PDSS2: variants seen among roughly 807,000 people sequenced by gnomAD.
PDSS2 encodes all trans-polyprenyl-diphosphate synthase PDSS2.
Under a neutral mutation model 44.5 loss-of-function variants are expected in PDSS2, and 31 were observed. That is an observed-to-expected ratio of 0.70 (90% confidence interval 0.52 to 0.94). The LOEUF is 0.94. Among genes scored for constraint, PDSS2 ranks in the 40% least tolerant of loss-of-function variants. PDSS2 has a pLI of 0.00. For synonymous variants in PDSS2, 157 were observed against 180.3 expected (o/e 0.87, Z 1.03); for missense variants, 452 against 482.2 (o/e 0.94, Z 0.59).
intron 7 of PDSS2, among the ~76,000 whole-genome samples, chr6:107,185,123 T>TAAAAAA (rs11317647): frequency 7.6e-4 from 67 of 88,642 alleles, no homozygotes; most frequent in East Asian, 1.3e-3. Flanking sequence ...ACCTTATATC[T>TAAAAAA]AAAAAAAAAA....
intron 2 of PDSS2, among the ~76,000 whole-genome samples, chr6:107,326,557 A>G (rs1374664334): frequency 2.0e-5 from 3 of 152,020 alleles, no homozygotes; most frequent in Admixed American, 1.3e-4. Context: ...TAATAAGATA[A>G]AAATAGTTGT....
At chr6:107,238,177 A>G (rs1393357067) in intron 4 of PDSS2, among the ~76,000 whole-genome samples, 1 of 152,160 alleles carries the variant, frequency 6.6e-6, no homozygotes, top group Non-Finnish European at 1.5e-5. Context: ...GACAGGAAAG[A>G]GGTGTCTTGT....
chr6:107,220,910 T>G (rs192579591), intron 4 of PDSS2, among the ~76,000 whole-genome samples: 1 of 152,246 alleles, frequency 6.6e-6, no homozygotes, highest in Non-Finnish European at 1.5e-5. Context: ...GCATGCTCTA[T>G]TATAAAGGAA....
At chr6:107,445,208 C>T (rs1335973627) in intron 1 of PDSS2, among the ~76,000 whole-genome samples, 1 of 151,116 alleles carries the variant, frequency 6.6e-6, no homozygotes, top group African/African-American at 2.4e-5. Flanking sequence ...ATATATTGCA[C>T]AAGTGGATAA....
intron 4 of PDSS2, among the ~76,000 whole-genome samples, chr6:107,219,761 GGT>G (rs1773537843): frequency 6.6e-6 from 1 of 152,136 alleles, no homozygotes; most frequent in African/African-American, 2.4e-5. Flanking sequence ...GGTTAGACCT[GGT>G]ACTAGTCACT....
At chr6:107,215,156 T>C (rs1472228330) in intron 4 of PDSS2, among the ~76,000 whole-genome samples, 1 of 152,160 alleles carries the variant, frequency 6.6e-6, no homozygotes, top group Non-Finnish European at 1.5e-5. Context: ...AGAAAAACCA[T>C]ATTATCTCTC....
At chr6:107,199,991 T>C (rs1312187251) in intron 6 of PDSS2, among the ~76,000 whole-genome samples, 2 of 152,140 alleles carry the variant, frequency 1.3e-5, no homozygotes, top group Non-Finnish European at 1.5e-5. Flanking sequence ...GAAAACAAAT[T>C]CAATGATTTC....
At chr6:107,430,193 T>A in intron 1 of PDSS2, among the ~76,000 whole-genome samples, 1 of 151,950 alleles carries the variant, frequency 6.6e-6, no homozygotes. Flanking sequence ...TTAAACCACT[T>A]TAACTTCAAA....
intron 2 of PDSS2, among the ~76,000 whole-genome samples, chr6:107,288,845 C>T (rs986044051): frequency 2.7e-5 from 4 of 148,752 alleles, no homozygotes; most frequent in Non-Finnish European, 4.5e-5. Context: ...CTGCAACCTC[C>T]GCCTACCGGA....
intron 2 of PDSS2, among the ~76,000 whole-genome samples, chr6:107,333,473 A>G (rs1162850291): frequency 6.6e-6 from 1 of 152,202 alleles, no homozygotes; most frequent in Non-Finnish European, 1.5e-5. Flanking sequence ...ATAACCAGTA[A>G]AAAAGTAGAC....
chr6:107,260,902 T>TCCTC (rs1196512221), intron 3 of PDSS2, among the ~76,000 whole-genome samples: 1 of 152,132 alleles, frequency 6.6e-6, no homozygotes. Context: ...GACCTTGTGA[T>TCCTC]CTGCCCACCT....
chr6:107,181,995 T>A (rs1029659260), intron 7 of PDSS2, among the ~76,000 whole-genome samples: 1 of 152,084 alleles, frequency 6.6e-6, no homozygotes, highest in African/African-American at 2.4e-5. Flanking sequence ...TTATTCATGA[T>A]CCACAAAGGA....
At chr6:107,265,859 G>A (rs1321077128) in intron 3 of PDSS2, among the ~76,000 whole-genome samples, 1 of 152,222 alleles carries the variant, frequency 6.6e-6, no homozygotes, top group Admixed American at 6.5e-5. Context: ...AGAATCACTT[G>A]AACCCGAGAG....
intron 7 of PDSS2, among the ~76,000 whole-genome samples, chr6:107,172,425 T>C (rs1771613062): frequency 6.6e-6 from 1 of 152,102 alleles, no homozygotes. Flanking sequence ...GAATGGTGGC[T>C]CACACCTGTA....
intron 2 of PDSS2, among the ~76,000 whole-genome samples, chr6:107,294,685 AG>A (rs1175757100): frequency 2.0e-5 from 3 of 152,180 alleles, no homozygotes; most frequent in Non-Finnish European, 4.4e-5. Flanking sequence ...ATCTTCACCA[AG>A]TATAGTTATT....
intron 6 of PDSS2, among the ~76,000 whole-genome samples, chr6:107,200,759 C>T (rs1238268993): frequency 6.6e-6 from 1 of 152,006 alleles, no homozygotes; most frequent in Non-Finnish European, 1.5e-5. Flanking sequence ...CTCCACCTCT[C>T]AGGTTCAGGC....
chr6:107,344,538 C>A (rs902096347), intron 1 of PDSS2, among the ~76,000 whole-genome samples: 1 of 152,074 alleles, frequency 6.6e-6, no homozygotes, highest in African/African-American at 2.4e-5. Context: ...TGCATTAAAT[C>A]CTCGAGGGAC....
intron 7 of PDSS2, among the ~76,000 whole-genome samples, chr6:107,155,208 C>T (rs1312526271): frequency 2.2e-4 from 32 of 148,376 alleles, no homozygotes; most frequent in Admixed American, 1.5e-3. Flanking sequence ...TGCAGTGGTG[C>T]GATCTCGGCT....
At chr6:107,386,724 C>G (rs1246728514) in intron 1 of PDSS2, among the ~76,000 whole-genome samples, 2 of 152,172 alleles carry the variant, frequency 1.3e-5, no homozygotes, top group African/African-American at 4.8e-5. Context: ...ATCAATGAAG[C>G]TAACTAAATC....
Sources: allele counts gnomAD v4.1 joint callset (sites outside exome capture counted in the v4.1 genomes callset), GRCh38; gene constraint gnomAD v4.1.1; transcripts MANE v1.5; gene names NCBI Gene and HGNC (gene_info 2026-07-23, HGNC 2026-07-21).